CPED1: variants seen among roughly 807,000 people sequenced by gnomAD.
CPED1 encodes cadherin like and PC-esterase domain containing 1, also known as cadherin-like and PC-esterase domain-containing protein 1.
Under a neutral mutation model 128.2 loss-of-function variants are expected in CPED1, and 114 were observed. The ratio of observed to expected loss-of-function variants is 0.89; its 90% CI spans 0.76 to 1.04. The LOEUF (loss-of-function observed/expected upper bound fraction) is 1.04, where lower values mean the gene tolerates loss of function less well. Among genes scored for constraint, CPED1 ranks in the 50% least tolerant of loss-of-function variants. The pLI is 0.00. For synonymous variants in CPED1, 462 were observed against 426.7 expected (o/e 1.08, Z -1.02); for missense variants, 1,211 against 1,207.1 (o/e 1.00, Z -0.05).
chr7:121,048,714 T>A (rs1793276458), intron 4 of CPED1, among the ~76,000 whole-genome samples: 1 of 152,136 alleles, frequency 6.6e-6, no homozygotes, highest in African/African-American at 2.4e-5. Context: ...AATTTTTATA[T>A]TTTTAGTAGA....
intron 5 of CPED1, among the ~76,000 whole-genome samples, chr7:121,076,123 TG>T (rs1794119245): frequency 6.6e-6 from 1 of 152,096 alleles, no homozygotes; most frequent in Non-Finnish European, 1.5e-5. Flanking sequence ...ATGCTAACCA[TG>T]GGGGCCAGAA....
intron 2 of CPED1, among the ~76,000 whole-genome samples, chr7:120,997,557 C>T (rs1796427777): frequency 6.6e-6 from 1 of 152,146 alleles, no homozygotes; most frequent in Non-Finnish European, 1.5e-5. Flanking sequence ...AGGGTTATCG[C>T]AGATATAATT....
intron 5 of CPED1, among the ~76,000 whole-genome samples, chr7:121,088,668 A>T (rs1313121245): frequency 6.7e-6 from 1 of 149,742 alleles, no homozygotes; most frequent in Non-Finnish European, 1.5e-5. Flanking sequence ...CAAAAAAAAA[A>T]GAAAAGTAGT....
chr7:121,229,162 C>A (rs1227606730), intron 16 of CPED1, among the ~76,000 whole-genome samples: 1 of 151,950 alleles, frequency 6.6e-6, no homozygotes, highest in Non-Finnish European at 1.5e-5. Flanking sequence ...GCATTATATA[C>A]CCATGTAAGA....
chr7:121,251,500 C>G (rs1458874814), intron 18 of CPED1, among the ~76,000 whole-genome samples: 1 of 151,988 alleles, frequency 6.6e-6, no homozygotes, highest in Admixed American at 6.6e-5. Flanking sequence ...AAAGGGCATT[C>G]AATTAGGAAA....
chr7:121,082,709 AC>A (rs1330372347), intron 5 of CPED1, among the ~76,000 whole-genome samples: 1 of 152,184 alleles, frequency 6.6e-6, no homozygotes, highest in Non-Finnish European at 1.5e-5. Flanking sequence ...GCCTTCAAGA[AC>A]CTCTGGGCTA....
intron 12 of CPED1, among the ~76,000 whole-genome samples, chr7:121,132,764 A>G (rs1022641382): frequency 2.6e-5 from 4 of 152,078 alleles, no homozygotes; most frequent in Non-Finnish European, 5.9e-5. Context: ...CTTTACATAC[A>G]GTGTCTCATT....
intron 7 of CPED1, among the ~76,000 whole-genome samples, chr7:121,106,373 T>C (rs1446135374): frequency 6.6e-6 from 1 of 152,042 alleles, no homozygotes; most frequent in East Asian, 1.9e-4. Flanking sequence ...TACATATATA[T>C]ATATAATGTA....
chr7:121,077,506 C>T (rs1455178880), intron 5 of CPED1, among the ~76,000 whole-genome samples: 1 of 151,938 alleles, frequency 6.6e-6, no homozygotes, highest in Non-Finnish European at 1.5e-5. Context: ...TAGAATGCTA[C>T]ATAATTCAAG....
intron 22 of CPED1, among the ~76,000 whole-genome samples, chr7:121,276,129 A>G (rs973164096): frequency 6.6e-6 from 1 of 152,140 alleles, no homozygotes; most frequent in Admixed American, 6.6e-5. Flanking sequence ...ACTGCTGTAA[A>G]GTGAGTTAGA....
chr7:121,025,725 C>T (rs1159158892), intron 3 of CPED1, among the ~76,000 whole-genome samples: 1 of 152,050 alleles, frequency 6.6e-6, no homozygotes, highest in Non-Finnish European at 1.5e-5. Flanking sequence ...GATATTTATC[C>T]CCAGTCATTT....
intron 7 of CPED1, among the ~76,000 whole-genome samples, chr7:121,107,872 C>G (rs1183430138): frequency 2.0e-5 from 3 of 152,014 alleles, no homozygotes; most frequent in Non-Finnish European, 4.4e-5. Flanking sequence ...TCAAATGTGC[C>G]AACTAGGTAA....
At chr7:121,232,353 A>G (rs1448740503) in intron 16 of CPED1, among the ~76,000 whole-genome samples, 1 of 152,018 alleles carries the variant, frequency 6.6e-6, no homozygotes, top group Non-Finnish European at 1.5e-5. Context: ...GTGAAATTGG[A>G]TTAGAGGAGA....
chr7:121,104,545 G>C (rs1794925486), intron 7 of CPED1, among the ~76,000 whole-genome samples: 1 of 152,094 alleles, frequency 6.6e-6, no homozygotes. Flanking sequence ...CTATTTTTAT[G>C]AAAATGTATC....
intron 16 of CPED1, among the ~76,000 whole-genome samples, chr7:121,211,570 G>C (rs1022457042): frequency 4.6e-3 from 3 of 646 alleles, no homozygotes; most frequent in Non-Finnish European, 0.026. Context: ...CAGCAGACAC[G>C]TGACATATTC....
chr7:121,222,759 T>G (rs1797912147), intron 16 of CPED1, among the ~76,000 whole-genome samples: 1 of 152,164 alleles, frequency 6.6e-6, no homozygotes, highest in Non-Finnish European at 1.5e-5. Flanking sequence ...TCTCTGTTTG[T>G]CTGTTATTGG....
intron 5 of CPED1, among the ~76,000 whole-genome samples, chr7:121,068,449 G>A (rs1240203990): frequency 2.6e-5 from 4 of 151,590 alleles, no homozygotes; most frequent in Admixed American, 2.0e-4. Context: ...ATTTCTGAGG[G>A]CTCTGTTCTG....
At chr7:121,224,832 A>ATTC (rs1797965226) in intron 16 of CPED1, among the ~76,000 whole-genome samples, 1 of 99,400 alleles carries the variant, frequency 1.0e-5, no homozygotes, top group Admixed American at 1.4e-4. Flanking sequence ...CTTGGTAAAT[A>ATTC]TTCCTCCATC....
chr7:121,089,932 A>G (rs1327351764), intron 5 of CPED1, among the ~76,000 whole-genome samples: 4 of 152,234 alleles, frequency 2.6e-5, no homozygotes, highest in Non-Finnish European at 2.9e-5. Context: ...TTAAACTGCC[A>G]TAAAGTAATA....
Sources: gnomAD v4.1 joint callset for allele counts (sites outside exome capture counted in the v4.1 genomes callset) on GRCh38, gnomAD v4.1.1 for gene constraint, MANE v1.5 for transcripts, NCBI Gene and HGNC (gene_info 2026-07-23, HGNC 2026-07-21) for gene names.